The following RPH3AL variants were observed in gnomAD, a reference collection of about 807,000 sequenced individuals.
RPH3AL encodes rab effector Noc2.
A neutral mutation model predicts 43.1 loss-of-function variants in RPH3AL; 38 were observed. The observed-to-expected ratio is 0.88, with a 90% CI of 0.68 to 1.15. The LOEUF (loss-of-function observed/expected upper bound fraction) is 1.15, where lower values mean the gene tolerates loss of function less well. Among genes scored for constraint, RPH3AL ranks in the 50% most tolerant of loss-of-function variants. The pLI, the probability that RPH3AL is intolerant of heterozygous loss-of-function variation, is 0.00. For synonymous variants in RPH3AL, 189 were observed against 176.3 expected, an observed-to-expected ratio of 1.07 and a Z score of -0.57; for missense variants, 462 against 423.2, an observed-to-expected ratio of 1.09 and a Z score of -0.81.
chr17:271,134 T>C (rs1310642789), intron 6 of RPH3AL, among the ~76,000 whole-genome samples: 2 of 152,240 alleles, frequency 1.3e-5, no homozygotes, highest in Admixed American at 6.5e-5. Context: ...CATTGGTCTA[T>C]ATCTCTGTTT....
In RPH3AL at chr17:290,466, G is replaced by A. The variant is rs998487963; in HGVS notation, c.352-8612C>T. ...TGCCTCCCCCGGGGTGCGTGCCGCG[G>A]CCGCCTATGTGTGCAGACCCGTCCC... On this transcript the variant is annotated intron_variant, in intron 5 of 9. Coordinates refer to ENST00000331302, the MANE Select transcript of RPH3AL (RefSeq NM_006987.4). This position sits in a 1 kb window ranked among gnomAD's most constrained non-coding sequence, Gnocchi z 4.2. 1.8e-4 allele frequency among the ~76,000 whole-genome samples: 27 copies of A among 152,160 alleles called. No homozygotes were observed. The highest frequency in any genetic ancestry group is 2.0e-4 in the Admixed American group (3 of 15,286).
intron 1 of RPH3AL, among the ~76,000 whole-genome samples, chr17:342,028 T>A (rs917392813): frequency 6.6e-6 from 1 of 152,080 alleles, no homozygotes; most frequent in African/African-American, 2.4e-5. Context: ...AAAATGACAA[T>A]TCCATTTAAA....
chr17:321,944 G>A (rs970170654), intron 3 of RPH3AL, among the ~76,000 whole-genome samples: 6 of 152,236 alleles, frequency 3.9e-5, no homozygotes, highest in Non-Finnish European at 5.9e-5. Context: ...AGATTATCAA[G>A]AGAAGAAAAA....
intron 1 of RPH3AL, among the ~76,000 whole-genome samples, chr17:334,799 G>C (rs1298390602): frequency 1.2e-5 from 1 of 82,736 alleles, no homozygotes; most frequent in African/African-American, 3.9e-5. Flanking sequence ...ACAAGGACAG[G>C]GACAAGGCAA....
chr17:265,648 C>G (rs1555547748), intron 6 of RPH3AL, among the ~76,000 whole-genome samples: 1 of 152,208 alleles, frequency 6.6e-6, no homozygotes, highest in African/African-American at 2.4e-5. Context: ...TTTAGAATAA[C>G]TCTTTCCTCA....
intron 6 of RPH3AL, among the ~76,000 whole-genome samples, chr17:266,000 C>A (rs1168590956): frequency 6.6e-6 from 1 of 152,236 alleles, no homozygotes; most frequent in Non-Finnish European, 1.5e-5. Context: ...CCAAGAGGGT[C>A]TGAGCCACAC....
rs540865435 is a variant in RPH3AL at position 268,411 on chromosome 17, G to A, written c.438+13357C>T. On this transcript the variant is annotated intron_variant, in intron 6 of 9. Transcript: ENST00000331302. ...TTTTCTCTAGCTTATTTTATTGTAA[G>A]AATATAGTATATAATGCATATAATA... 3.0e-3 allele frequency among the ~76,000 whole-genome samples: 460 copies of A among 152,108 alleles called. 3 individuals carry two copies. The highest frequency in any genetic ancestry group is 4.5e-3 in the Non-Finnish European group (303 of 68,022).
chr17:320,979 C>T (rs944152081), intron 4 of RPH3AL, among the ~76,000 whole-genome samples: 10 of 152,170 alleles, frequency 6.6e-5, no homozygotes, highest in Non-Finnish European at 1.3e-4. Context: ...TGTGCACAGC[C>T]GAACAGCTCC....
chr17:323,677 G>C lies in RPH3AL; in HGVS notation c.78-2262C>G, dbSNP rs1394156799. ...GGAACACACAGAAGGAGGGACAGAAGCATCAGCACCGCCACCACTGCCTGT... is the reference window on the plus strand; with the variant it reads ...GGAACACACAGAAGGAGGGACAGAACCATCAGCACCGCCACCACTGCCTGT... On this transcript the variant is annotated intron_variant, in intron 3 of 9. Transcript: ENST00000331302. The surrounding 1 kb of genome is among the most constrained non-coding windows in gnomAD (Gnocchi z 4.4). 6.6e-6 allele frequency among the ~76,000 whole-genome samples: 1 copy of C among 152,172 alleles called. No individual in the cohort carries two copies. Among genetic ancestry groups the C allele is most frequent in the Non-Finnish European group, 1.5e-5 (1 of 68,022 alleles).
In RPH3AL at chr17:219,520, TTCTTC is replaced by T. The variant is rs1349551538; in HGVS notation, c.727+98_727+102del. 1.3e-4 allele frequency: 35 copies of T among 275,138 alleles called. 3 individuals carry two copies. The Middle Eastern group carries it at 8.0e-3, about 63-fold the overall frequency. 17.0% of individuals were successfully genotyped at this position (275,138 alleles called of 1,614,324 possible). ...CCTAATAGTTTCATTTCTTTTCTTT[TTCTTC>T]CTTTTTTTTTTTTTTTTGAGATGGA... is the stretch of plus-strand genomic sequence containing the variant. On this transcript the variant is annotated intron_variant, in intron 8 of 9. Coordinates refer to ENST00000331302, the MANE Select transcript of RPH3AL (RefSeq NM_006987.4).
intron 5 of RPH3AL, among the ~76,000 whole-genome samples, chr17:293,481 G>A (rs1311343722): frequency 2.0e-5 from 3 of 151,908 alleles, no homozygotes; most frequent in Non-Finnish European, 4.4e-5. Context: ...CCGGGGCTCC[G>A]GGGGTGGGGC....
At chr17:338,088 T>A (rs1233991673) in intron 1 of RPH3AL, among the ~76,000 whole-genome samples, 1 of 152,196 alleles carries the variant, frequency 6.6e-6, no homozygotes, top group Admixed American at 6.5e-5. Context: ...CATAGCTTGC[T>A]TTTGTCTTTT....
intron 7 of RPH3AL, among the ~76,000 whole-genome samples, chr17:241,098 A>ATC (rs2041523086): frequency 6.4e-5 from 6 of 94,402 alleles, no homozygotes; most frequent in Non-Finnish European, 1.1e-4. Flanking sequence ...TAATAATAAT[A>ATC]ATCTTGTTGG....
rs978908575 is a variant in RPH3AL at position 215,391 on chromosome 17, G to A, written c.876+263C>T. Among the ~76,000 whole-genome samples, 7 of 152,222 alleles carry A rather than the reference G, an allele frequency of 4.6e-5. No homozygotes were observed. The highest frequency in any genetic ancestry group is 8.8e-5 in the Non-Finnish European group (6 of 68,036). ...AGTTCGCCCCAGGGGAGCCCGACAC[G>A]TTTTATGTAGCAGAGGATGGTAACC... On this transcript the variant is annotated intron_variant, in intron 9 of 9. Coordinates refer to ENST00000331302, the MANE Select transcript of RPH3AL (RefSeq NM_006987.4). The surrounding 1 kb of genome is among the most constrained non-coding windows in gnomAD (Gnocchi z 4.1).
chr17:235,837 A>G (rs1307466138), intron 7 of RPH3AL, among the ~76,000 whole-genome samples: 2 of 142,416 alleles, frequency 1.4e-5, no homozygotes, highest in Non-Finnish European at 1.6e-5. Flanking sequence ...GCTCTACACT[A>G]ACAAGACAGG....
At chr17:343,685 T>G (rs1433592109) in intron 1 of RPH3AL, among the ~76,000 whole-genome samples, 2 of 152,184 alleles carry the variant, frequency 1.3e-5, no homozygotes, top group Non-Finnish European at 2.9e-5. Flanking sequence ...AAGAGACATT[T>G]GGAAATATCT....
intron 1 of RPH3AL, among the ~76,000 whole-genome samples, chr17:341,974 G>A (rs796850146): frequency 5.3e-5 from 8 of 151,976 alleles, no homozygotes; most frequent in African/African-American, 1.9e-4. Flanking sequence ...TCTCATAAGG[G>A]TCTAGTATCT....
At chr17:223,595 G>A (rs79808652) in intron 7 of RPH3AL, among the ~76,000 whole-genome samples, 1 of 152,188 alleles carries the variant, frequency 6.6e-6, no homozygotes, top group Non-Finnish European at 1.5e-5. Flanking sequence ...ATCTGATCCA[G>A]TGAGCCCTTT....
At chr17:259,597 G>C (rs373866381) in intron 6 of RPH3AL, among the ~76,000 whole-genome samples, 1 of 152,290 alleles carries the variant, frequency 6.6e-6, no homozygotes, top group East Asian at 1.9e-4. Context: ...TGGAGAAGCC[G>C]AGCAACTCTG....
Sources: gnomAD v4.1 joint callset for allele counts (sites outside exome capture counted in the v4.1 genomes callset) on GRCh38, gnomAD v4.1.1 for gene constraint, Gnocchi (gnomAD v3.1) non-coding constraint, MANE v1.5 for transcripts, NCBI Gene and HGNC (gene_info 2026-07-23, HGNC 2026-07-21) for gene names.